SWAP70: variants seen among roughly 807,000 people sequenced by gnomAD.
SWAP70 encodes the protein switch-associated protein 70.
In SWAP70, 34 loss-of-function variants were observed where a neutral mutation model predicts 80.2. The observed-to-expected ratio is 0.42, with a 90% confidence interval of 0.32 to 0.56. The LOEUF (loss-of-function observed/expected upper bound fraction) is 0.56, where lower values mean the gene tolerates loss of function less well. SWAP70 is among the 20% of genes least tolerant of loss of function. The pLI is 0.09. For synonymous variants in SWAP70, 239 were observed against 238.5 expected (o/e 1.00, Z -0.02); for missense variants, 578 against 690.7 (o/e 0.84, Z 1.83).
intron 3 of SWAP70, among the ~76,000 whole-genome samples, chr11:9,718,959 G>T (rs540703216): frequency 6.6e-6 from 1 of 151,356 alleles, no homozygotes; most frequent in African/African-American, 2.4e-5. Flanking sequence ...AATTAGCTGG[G>T]CACAGTGGCA....
intron 9 of SWAP70, chr11:9,741,636 G>T (rs1042658770): frequency 6.6e-6 from 1 of 152,130 alleles, no homozygotes; most frequent in African/African-American, 2.4e-5. Flanking sequence ...GCAGTTTTGT[G>T]GGAAGTTGAT....
intron 2 of SWAP70, among the ~76,000 whole-genome samples, chr11:9,703,778 G>A (rs572391802): frequency 2.0e-5 from 3 of 152,232 alleles, no homozygotes; most frequent in Non-Finnish European, 2.9e-5. Flanking sequence ...GAATGAATGC[G>A]CAAATTAATA....
chr11:9,722,163 T>C (rs392815), intron 3 of SWAP70, among the ~76,000 whole-genome samples: 49,603 of 152,018 alleles, frequency 0.33, 8,294 homozygotes, highest in Non-Finnish European at 0.35. Flanking sequence ...CAAATTGCTC[T>C]GTATTTGTCT....
At chr11:9,724,614 G>GT (rs771249975) in intron 3 of SWAP70, 44 bp from the exon 4 acceptor site, 82 of 1,468,292 alleles carry the variant, frequency 5.6e-5, no homozygotes, top group Middle Eastern at 5.4e-4. Flanking sequence ...CTATGTTAAA[G>GT]TTTTTTTTAA....
chr11:9,701,856 T>A (rs1243628210), intron 2 of SWAP70, among the ~76,000 whole-genome samples: 2 of 152,206 alleles, frequency 1.3e-5, no homozygotes, highest in African/African-American at 4.8e-5. Context: ...AATTCTTCCA[T>A]GAGATTTAAT....
At chr11:9,688,491 G>A (rs917239659) in intron 1 of SWAP70, among the ~76,000 whole-genome samples, 1 of 152,190 alleles carries the variant, frequency 6.6e-6, no homozygotes, top group African/African-American at 2.4e-5. Context: ...CTGGGATGCA[G>A]TTAGTAAGCT....
chr11:9,751,048 T>C lies in SWAP70; in HGVS notation c.*1078T>C, dbSNP rs1035510868. 1 of 152,244 alleles carries C rather than the reference T, an allele frequency of 6.6e-6. No individual in the cohort carries two copies. The highest frequency in any genetic ancestry group is 1.5e-5 in the Non-Finnish European group (1 of 68,032). 9.4% of individuals were successfully genotyped at this position (152,244 alleles called of 1,614,324 possible). On this transcript the variant is annotated 3_prime_UTR_variant, in exon 12 of 12. Transcript: ENST00000318950. Reference sequence around the variant, plus strand: ...TATATGCCAGGCTGTGAGAGGATTATACTGAGTAGTAGAAAGAAGCTAATT... The same window carrying C: ...TATATGCCAGGCTGTGAGAGGATTACACTGAGTAGTAGAAAGAAGCTAATT...
chr11:9,678,583 TTAATAG>T (rs1421651736), intron 1 of SWAP70, among the ~76,000 whole-genome samples: 1 of 147,908 alleles, frequency 6.8e-6, no homozygotes, highest in Non-Finnish European at 1.5e-5. Context: ...ACCTTCCATC[TTAATAG>T]TACATTTCTG....
chr11:9,721,091 C>T (rs1199967571), intron 3 of SWAP70, among the ~76,000 whole-genome samples: 1 of 152,234 alleles, frequency 6.6e-6, no homozygotes, highest in Non-Finnish European at 1.5e-5. Flanking sequence ...GCTGGGATGA[C>T]AGGCGTGAGC....
intron 3 of SWAP70, among the ~76,000 whole-genome samples, chr11:9,717,526 T>C (rs1452160536): frequency 2.0e-5 from 3 of 151,956 alleles, no homozygotes; most frequent in African/African-American, 7.3e-5. Flanking sequence ...TCCCAGCCAC[T>C]TGGGAGGCTT....
chr11:9,686,646 G>A (rs1850637347), intron 1 of SWAP70, among the ~76,000 whole-genome samples: 1 of 151,960 alleles, frequency 6.6e-6, no homozygotes, highest in Non-Finnish European at 1.5e-5. Context: ...ACTGTGCCTG[G>A]CCTGTAGTCT....
Position 9,664,175 on chromosome 11 carries a change from C to G in SWAP70, c.-5C>G. 1 of 1,566,616 alleles carries G rather than the reference C, an allele frequency of 6.4e-7. No individual in the cohort carries two copies. Among genetic ancestry groups the G allele is most frequent in the Non-Finnish European group, 8.6e-7 (1 of 1,159,070 alleles). On this transcript the variant is annotated 5_prime_UTR_variant, in exon 1 of 12. Transcript: ENST00000318950. Reference sequence around the variant, plus strand: ...AGGGGTTGGCGGGGCAGCAGGGCCGCGGCCATGGGGAGCTTGAAGGAGGAG... The same window carrying G: ...AGGGGTTGGCGGGGCAGCAGGGCCGGGGCCATGGGGAGCTTGAAGGAGGAG...
intron 2 of SWAP70, among the ~76,000 whole-genome samples, chr11:9,705,189 A>T (rs867647334): frequency 8.2e-6 from 1 of 122,694 alleles, no homozygotes; most frequent in Admixed American, 7.6e-5. Flanking sequence ...TGATCTGTAT[A>T]CACTGGTGAT....
At chr11:9,701,642 G>A (rs1356896524) in intron 2 of SWAP70, among the ~76,000 whole-genome samples, 1 of 140,148 alleles carries the variant, frequency 7.1e-6, no homozygotes, top group East Asian at 2.1e-4. Flanking sequence ...TCCTTGTTTA[G>A]TAAAGGAATG....
intron 1 of SWAP70, among the ~76,000 whole-genome samples, chr11:9,668,169 G>A (rs576128775): frequency 3.3e-5 from 5 of 152,312 alleles, no homozygotes; most frequent in African/African-American, 7.2e-5. Flanking sequence ...GATTATAGGC[G>A]TGAGCCACCA....
At chr11:9,695,770 A>G (rs1850749037) in intron 2 of SWAP70, among the ~76,000 whole-genome samples, 1 of 151,366 alleles carries the variant, frequency 6.6e-6, no homozygotes, top group South Asian at 2.1e-4. Flanking sequence ...TTTTTAGAAG[A>G]AAAAAAAATC....
intron 1 of SWAP70, among the ~76,000 whole-genome samples, chr11:9,669,107 A>G (rs1850343288): frequency 6.6e-6 from 1 of 152,258 alleles, no homozygotes; most frequent in South Asian, 2.1e-4. Flanking sequence ...ATATGGAGCC[A>G]TGAGATTTTA....
intron 9 of SWAP70, among the ~76,000 whole-genome samples, chr11:9,745,226 G>C (rs1402771141): frequency 2.0e-5 from 3 of 152,208 alleles, no homozygotes; most frequent in Non-Finnish European, 4.4e-5. Flanking sequence ...TGTGTAACTT[G>C]AGAGAATGGC....
rs57320807 is a variant in SWAP70 at position 9,678,479 on chromosome 11, GTT to G, written c.99+14215_99+14216del. On this transcript the variant is annotated intron_variant, in intron 1 of 11. Coordinates refer to ENST00000318950, the MANE Select transcript of SWAP70 (RefSeq NM_015055.4). ...AGTGAGATAACTTGGACATTTTTAT[GTT>G]TTTTTTTTTTTTTGGGAAATACATG... Among the ~76,000 whole-genome samples, 689 of 82,124 alleles carry G rather than the reference GTT, an allele frequency of 8.4e-3. 3 individuals carry two copies. Among genetic ancestry groups the G allele is most frequent in the Non-Finnish European group, 0.012 (471 of 39,268 alleles). 53.9% of individuals were successfully genotyped at this position (82,124 alleles called of 152,430 possible).
Sources: allele counts gnomAD v4.1 joint callset (sites outside exome capture counted in the v4.1 genomes callset), GRCh38; gene constraint gnomAD v4.1.1; transcripts MANE v1.5; gene names NCBI Gene and HGNC (gene_info 2026-07-23, HGNC 2026-07-21).